The following HPCAL1 variants were observed in gnomAD, a reference collection of about 807,000 sequenced individuals.
HPCAL1 encodes the protein hippocalcin-like protein 1.
Under a neutral mutation model 17.1 loss-of-function variants are expected in HPCAL1, and 8 were observed. The observed-to-expected ratio is 0.47, with a 90% CI of 0.27 to 0.84. The LOEUF (loss-of-function observed/expected upper bound fraction) is 0.84, where lower values mean the gene tolerates loss of function less well. Ranked by LOEUF, HPCAL1 falls within the 40% of genes least tolerant of loss-of-function variation. The probability of loss-of-function intolerance (pLI) is 0.13; values close to 1 mark genes in which losing one functional copy is unlikely to be tolerated. For missense variants in HPCAL1, 165 were observed against 271.1 expected, an observed-to-expected ratio of 0.61 and a Z score of 2.75; for synonymous variants, 112 against 111.4, an observed-to-expected ratio of 1.01 and a Z score of -0.03.
intron 1 of HPCAL1, chr2:10,303,831 G>C (rs569038936): frequency 3.9e-5 from 6 of 152,442 alleles, no homozygotes; most frequent in African/African-American, 9.6e-5. Context: ...CACCTTCCCC[G>C]GTCGCGGTTT....
chr2:10,326,049 C>T (rs1162118468), intron 1 of HPCAL1, among the ~76,000 whole-genome samples: 1 of 152,202 alleles, frequency 6.6e-6, no homozygotes, highest in Non-Finnish European at 1.5e-5. Flanking sequence ...CTGCAGAGGG[C>T]CATGAGATTC....
chr2:10,315,499 G>A (rs1861231), intron 1 of HPCAL1, among the ~76,000 whole-genome samples: 106,361 of 151,980 alleles, frequency 0.7, 38,041 homozygotes, highest in East Asian at 0.99. Context: ...AATTAGACAG[G>A]AAAGAGCCTC....
intron 2 of HPCAL1, among the ~76,000 whole-genome samples, chr2:10,399,570 A>ACCACCACCGCCACCGCCACCG (rs1160944171): frequency 8.4e-4 from 32 of 37,974 alleles, no homozygotes; most frequent in African/African-American, 1.5e-3. Context: ...CGCCACCGCC[A>ACCACCACCGCCACCGCCACCG]CCACCACCGC....
chr2:10,344,977 T>C lies in HPCAL1; in HGVS notation c.-111+41800T>C, dbSNP rs1324819314. ...TCTCTATGTGTCCATCTCTCTCTCT[T>C]TTTCTGTGTGTCTCTCTCTCTGTGC... On this transcript the variant is annotated intron_variant, in intron 1 of 4. Transcript: ENST00000307845. The surrounding 1 kb of genome is among the most constrained non-coding windows in gnomAD (Gnocchi z 4.9). Among the ~76,000 whole-genome samples the C allele has an allele frequency of 7.2e-6, 1 of 139,556 alleles. No homozygotes were observed. Among genetic ancestry groups the C allele is most frequent in the East Asian group, 2.1e-4 (1 of 4,692 alleles). The allele number at this position is 139,556 out of a possible 152,430, so 91.6% of individuals were successfully genotyped here.
At chr2:10,340,567 T>C (rs1332861020) in intron 1 of HPCAL1, among the ~76,000 whole-genome samples, 3 of 152,180 alleles carry the variant, frequency 2.0e-5, no homozygotes, top group Non-Finnish European at 2.9e-5. Context: ...GTTGGCACCA[T>C]GGGGATGCAG....
intron 1 of HPCAL1, among the ~76,000 whole-genome samples, chr2:10,303,535 G>T (rs1341282609): frequency 6.6e-6 from 1 of 152,168 alleles, no homozygotes; most frequent in Non-Finnish European, 1.5e-5. Flanking sequence ...GTGGGTGTGG[G>T]TGGTCCAGCC....
intron 1 of HPCAL1, among the ~76,000 whole-genome samples, chr2:10,318,107 C>A (rs1049731228): frequency 6.6e-6 from 1 of 152,076 alleles, no homozygotes; most frequent in African/African-American, 2.4e-5. Context: ...ATTCTTGGGT[C>A]TCTCCCCATT....
Position 10,315,156 on chromosome 2 carries a change from G to A in HPCAL1, c.-111+11979G>A, listed in dbSNP as rs546904923. 9.2e-5 allele frequency among the ~76,000 whole-genome samples: 14 copies of A among 152,254 alleles called. 1 individual carries two copies. The South Asian group carries it at 2.9e-3, about 32-fold the overall frequency. On this transcript the variant is annotated intron_variant, in intron 1 of 4. Transcript: ENST00000307845. ...AATACAAAAAAAATTAGCCGGGCGT[G>A]GTGGCGGGTGCCTGTAGTCCCAGCT... is the stretch of plus-strand genomic sequence containing the variant.
intron 2 of HPCAL1, among the ~76,000 whole-genome samples, chr2:10,404,905 C>T (rs1292935509): frequency 6.6e-6 from 1 of 152,072 alleles, no homozygotes; most frequent in Non-Finnish European, 1.5e-5. Context: ...TGCAGAGATT[C>T]CACCGAGCCC....
At chr2:10,422,277 T>A (rs994274702) in intron 3 of HPCAL1, among the ~76,000 whole-genome samples, 101 of 152,186 alleles carry the variant, frequency 6.6e-4, no homozygotes, top group Non-Finnish European at 1.3e-4. Flanking sequence ...AATGAGAATA[T>A]CAAGCCACCT....
At chr2:10,336,352 G>T (rs1312875111) in intron 1 of HPCAL1, among the ~76,000 whole-genome samples, 1 of 152,142 alleles carries the variant, frequency 6.6e-6, no homozygotes, top group Non-Finnish European at 1.5e-5. Context: ...GTCAGTTCAT[G>T]CTATTTTATA....
intron 2 of HPCAL1, among the ~76,000 whole-genome samples, chr2:10,404,403 GC>G (rs1349816368): frequency 2.6e-5 from 4 of 152,220 alleles, no homozygotes; most frequent in Non-Finnish European, 5.9e-5. Context: ...TCAGGTATCA[GC>G]CCCAGCGCTC....
intron 1 of HPCAL1, among the ~76,000 whole-genome samples, chr2:10,390,045 G>A (rs1028325100): frequency 6.6e-6 from 1 of 152,224 alleles, no homozygotes; most frequent in African/African-American, 2.4e-5. Flanking sequence ...GGCAGCAGGA[G>A]CTACAGTAAG....
At chr2:10,345,576 C>T (rs777280505) in intron 1 of HPCAL1, among the ~76,000 whole-genome samples, 24 of 151,946 alleles carry the variant, frequency 1.6e-4, no homozygotes, top group Middle Eastern at 3.4e-3. Flanking sequence ...CCCACCTCAG[C>T]CTCCCAAGAA....
At position 10,363,834 on chromosome 2, in the gene HPCAL1, C is replaced by T. The variant is rs1666671624; in HGVS notation, c.-110-33001C>T. Reference sequence around the variant, plus strand: ...TTTCCCATCTCTGAGCCTTGGTTCTCTGGTCTGTTAAGTGGCAATCTTGCC... The same window carrying T: ...TTTCCCATCTCTGAGCCTTGGTTCTTTGGTCTGTTAAGTGGCAATCTTGCC... On this transcript the variant is annotated intron_variant, in intron 1 of 4. Coordinates refer to ENST00000307845, the MANE Select transcript of HPCAL1 (RefSeq NM_002149.4). The surrounding 1 kb of genome is among the most constrained non-coding windows in gnomAD (Gnocchi z 4.7). Among the ~76,000 whole-genome samples the T allele has an allele frequency of 6.6e-6, 1 of 152,216 alleles. No homozygotes were observed. The highest frequency in any genetic ancestry group is 6.5e-5 in the Admixed American group (1 of 15,282).
At chr2:10,379,459 A>G (rs1305951740) in intron 1 of HPCAL1, among the ~76,000 whole-genome samples, 2 of 151,882 alleles carry the variant, frequency 1.3e-5, no homozygotes, top group African/African-American at 4.8e-5. Flanking sequence ...GGGCTGGGCT[A>G]TGAGCAGGAG....
In HPCAL1 at chr2:10,359,778, C is replaced by T. The variant is rs1666407288; in HGVS notation, c.-110-37057C>T. Among the ~76,000 whole-genome samples the T allele has an allele frequency of 6.6e-6, 1 of 152,212 alleles. No individual in the cohort carries two copies. ...GCCTTACCCAGATCCCCGTGTCCCCCACAGCGGTGGCGGTTTTATTGATGT... is the reference window on the plus strand; with the variant it reads ...GCCTTACCCAGATCCCCGTGTCCCCTACAGCGGTGGCGGTTTTATTGATGT... On this transcript the variant is annotated intron_variant, in intron 1 of 4. Coordinates refer to ENST00000307845, the MANE Select transcript of HPCAL1 (RefSeq NM_002149.4). This position sits in a 1 kb window ranked among gnomAD's most constrained non-coding sequence, Gnocchi z 4.1.
intron 1 of HPCAL1, among the ~76,000 whole-genome samples, chr2:10,305,178 G>A (rs1175707713): frequency 2.6e-5 from 4 of 152,046 alleles, no homozygotes; most frequent in Non-Finnish European, 4.4e-5. Context: ...AAGAAAAAAG[G>A]GCTTTTGGTG....
intron 1 of HPCAL1, among the ~76,000 whole-genome samples, chr2:10,387,048 G>T (rs910668218): frequency 1.3e-5 from 2 of 152,198 alleles, no homozygotes; most frequent in African/African-American, 2.4e-5. Context: ...TGTGTCGCCC[G>T]GGGCAAGTGG....
Sources: allele counts gnomAD v4.1 joint callset (sites outside exome capture counted in the v4.1 genomes callset), GRCh38; gene constraint gnomAD v4.1.1; non-coding constraint Gnocchi (gnomAD v3.1); transcripts MANE v1.5; gene names NCBI Gene and HGNC (gene_info 2026-07-23, HGNC 2026-07-21).